Variants in AGBL2 observed in about 807,000 individuals in gnomAD.
AGBL2 encodes cytosolic carboxypeptidase 2.
In AGBL2, 87 loss-of-function variants were observed where a neutral mutation model predicts 103.0. That is an observed-to-expected ratio of 0.84 (90% CI 0.71 to 1.01). The LOEUF (loss-of-function observed/expected upper bound fraction) is 1.01. Among genes scored for constraint, AGBL2 ranks in the 50% least tolerant of loss-of-function variants. The pLI, the probability that AGBL2 is intolerant of heterozygous loss-of-function variation, is 0.00. For missense variants in AGBL2, 904 were observed against 1,023.5 expected (o/e 0.88, Z 1.59); for synonymous variants, 335 against 356.7 (o/e 0.94, Z 0.69).
At chr11:47,664,533 T>C (rs1411973713) in intron 17 of AGBL2, among the ~76,000 whole-genome samples, 1 of 151,764 alleles carries the variant, frequency 6.6e-6, no homozygotes, top group African/African-American at 2.4e-5. Flanking sequence ...TGCCTCAGCC[T>C]CCCGAGTAGC....
rs774465387 is a variant in AGBL2, at chr11:47,704,700, A to G, written c.429T>C (p.Leu143=). The change falls in exon 7 of 19, where the codon CTT becomes CTC. Residue 143 remains leucine, a synonymous_variant. Coordinates refer to ENST00000525123, the MANE Select transcript of AGBL2 (RefSeq NM_024783.4). ...TDSHMLSLPH[L]RSRQLLYDEL... is the part of the protein sequence containing the mutation. ...CATCATAAAGAAGCTGTCTGCTCCT[A>G]AGATGTGGTAAACTCAGCATATGTG... 6.2e-7 allele frequency: 1 copy of G among 1,614,026 alleles called. No homozygotes were observed. Among genetic ancestry groups the G allele is most frequent in the Non-Finnish European group, 8.5e-7 (1 of 1,180,038 alleles).
chr11:47,662,330 C>T (rs573160528), intron 18 of AGBL2, among the ~76,000 whole-genome samples: 190 of 150,404 alleles, frequency 1.3e-3, no homozygotes, highest in Non-Finnish European at 2.3e-3. Context: ...TGCACCACTA[C>T]ACCCAGCTAA....
rs141461666 is a variant in AGBL2 at position 47,666,497 on chromosome 11, C to T, written c.2448+459G>A. 1.2e-4 allele frequency: 35 copies of T among 298,808 alleles called. No individual in the cohort carries two copies. In the East Asian group the frequency reaches 2.3e-3, roughly 19 times the overall value. 18.5% of individuals were successfully genotyped at this position (298,808 alleles called of 1,614,324 possible). A position where few individuals can be genotyped will look rare whatever the true frequency, so the allele number is the denominator to read the frequency against. ...CTCTGTGTTGCCACTGCATCCTACT[C>T]TGTGATACAATTTCCTACTTACTTG... On this transcript the variant is annotated intron_variant, in intron 17 of 18. Transcript: ENST00000525123.
chr11:47,678,037 C>T (rs1051855989), intron 13 of AGBL2, among the ~76,000 whole-genome samples: 1 of 151,808 alleles, frequency 6.6e-6, no homozygotes, highest in South Asian at 2.1e-4. Context: ...GATCTTGGCT[C>T]ACTGCAACCT....
chr11:47,662,650 G>A (rs2097331263), intron 18 of AGBL2, among the ~76,000 whole-genome samples: 1 of 151,682 alleles, frequency 6.6e-6, no homozygotes. Flanking sequence ...ACACCACCAT[G>A]CCCAACTAAT....
At chr11:47,667,269 C>T (rs902812323) in intron 16 of AGBL2, among the ~76,000 whole-genome samples, 3 of 152,216 alleles carry the variant, frequency 2.0e-5, no homozygotes, top group African/African-American at 7.2e-5. Flanking sequence ...CATCCATCTA[C>T]TCCTGACTAG....
intron 9 of AGBL2, among the ~76,000 whole-genome samples, chr11:47,691,729 A>AAAAAATATATATATATAT: frequency 2.1e-4 from 1 of 4,854 alleles, no homozygotes; most frequent in African/African-American, 7.2e-4. Flanking sequence ...AAAAAAAAAA[A>AAAAAATATATATATATAT]ATATATATAT....
intron 17 of AGBL2, chr11:47,666,717 T>C (rs142705492): frequency 5.0e-6 from 3 of 604,128 alleles, no homozygotes; most frequent in African/African-American, 1.9e-5. Flanking sequence ...TAAGGCAGCC[T>C]GTTCTTATGT....
chr11:47,710,217 T>C, intron 4 of AGBL2, 160 bp downstream of exon 4: 1 of 847,134 alleles, frequency 1.2e-6, no homozygotes, highest in Non-Finnish European at 1.8e-6. Context: ...TTTAAACCTG[T>C]AATCCAAAGT....
At chr11:47,692,539 G>A (rs911232418) in intron 8 of AGBL2, among the ~76,000 whole-genome samples, 1 of 147,100 alleles carries the variant, frequency 6.8e-6, no homozygotes, top group African/African-American at 2.5e-5. Context: ...AGCCTCCCGA[G>A]TAGCTGGGAC....
At chr11:47,702,575 C>T (rs900190231) in intron 7 of AGBL2, among the ~76,000 whole-genome samples, 1 of 152,176 alleles carries the variant, frequency 6.6e-6, no homozygotes, top group Middle Eastern at 3.4e-3. Flanking sequence ...AGCAGGGAGA[C>T]AGAAAATGAG....
chr11:47,692,589 T>C (rs992928677), intron 8 of AGBL2, among the ~76,000 whole-genome samples: 1 of 151,468 alleles, frequency 6.6e-6, no homozygotes, highest in African/African-American at 2.4e-5. Context: ...TTTTTTTGTA[T>C]ATTTAGTAGA....
chr11:47,706,932 A>C (rs1210689272), intron 4 of AGBL2, among the ~76,000 whole-genome samples: 1 of 148,636 alleles, frequency 6.7e-6, no homozygotes, highest in Admixed American at 6.8e-5. Flanking sequence ...CGGGCCTGTA[A>C]TCCCAGCACT....
At chr11:47,703,912 C>T (rs1430482523) in intron 7 of AGBL2, among the ~76,000 whole-genome samples, 7 of 119,106 alleles carry the variant, frequency 5.9e-5, no homozygotes, top group Admixed American at 4.1e-4. Flanking sequence ...GCAACAAGAG[C>T]GAAAGTCAGT....
chr11:47,700,120 G>T (rs1421483444), intron 7 of AGBL2, among the ~76,000 whole-genome samples: 1 of 151,956 alleles, frequency 6.6e-6, no homozygotes, highest in Non-Finnish European at 1.5e-5. Flanking sequence ...ACCACTCCCG[G>T]CTAATTTTGT....
In AGBL2 at chr11:47,667,709, G is replaced by A; in HGVS notation, c.2215-13C>T. 1 of 1,606,902 alleles carries A rather than the reference G, an allele frequency of 6.2e-7. No homozygotes were observed. ...TTTTCTGAGTCAGCTATTCCAGAAA[G>A]TAGAGAAACTGGTCATTGAAGATTC... is the stretch of plus-strand genomic sequence containing the variant. On this transcript the variant is annotated splice_polypyrimidine_tract_variant and intron_variant, in intron 15 of 18. Transcript: ENST00000525123.
chr11:47,712,242 C>T (rs1298152496), intron 3 of AGBL2, among the ~76,000 whole-genome samples: 1 of 152,026 alleles, frequency 6.6e-6, no homozygotes, highest in Non-Finnish European at 1.5e-5. Flanking sequence ...TCAGTGGTTT[C>T]AGGCCATCCA....
At position 47,686,065 on chromosome 11, in the gene AGBL2, A is replaced by G; in HGVS notation, c.1632-16T>C. 1 of 1,612,924 alleles carries G rather than the reference A, an allele frequency of 6.2e-7. No individual in the cohort carries two copies. The highest frequency in any genetic ancestry group is 8.5e-7 in the Non-Finnish European group (1 of 1,179,654). On this transcript the variant is annotated splice_polypyrimidine_tract_variant and intron_variant, in intron 10 of 18. Transcript: ENST00000525123. Reference sequence around the variant, plus strand: ...TTCAAGAAGTCTATTGAGGGGGCAAACAAAGGACTCAGTGGACACCCAAAT... The same window carrying G: ...TTCAAGAAGTCTATTGAGGGGGCAAGCAAAGGACTCAGTGGACACCCAAAT...
chr11:47,663,249 C>T, intron 17 of AGBL2, 137 bp from the exon 18 acceptor site: 1 of 613,110 alleles, frequency 1.6e-6, no homozygotes, highest in Non-Finnish European at 2.8e-6. Flanking sequence ...ACAGGCAAAA[C>T]ATAATTCAAA....
Sources: gnomAD v4.1 joint callset for allele counts (sites outside exome capture counted in the v4.1 genomes callset) on GRCh38, gnomAD v4.1.1 for gene constraint, MANE v1.5 for transcripts, NCBI Gene and HGNC (gene_info 2026-07-23, HGNC 2026-07-21) for gene names.